PTPRR: variants seen among roughly 807,000 people sequenced by gnomAD.
PTPRR encodes the protein receptor-type tyrosine-protein phosphatase R.
In PTPRR, 38 loss-of-function variants were observed where a neutral mutation model predicts 77.2. The ratio of observed to expected loss-of-function variants is 0.49; its 90% CI spans 0.38 to 0.65. The LOEUF (loss-of-function observed/expected upper bound fraction) is 0.65, where lower values mean the gene tolerates loss of function less well. Ranked by LOEUF, PTPRR falls within the 30% of genes least tolerant of loss-of-function variation. The pLI is 0.00. For missense variants in PTPRR, 744 were observed against 799.2 expected (o/e 0.93, Z 0.83); for synonymous variants, 299 against 283.1 (o/e 1.06, Z -0.57).
intron 10 of PTPRR, among the ~76,000 whole-genome samples, chr12:70,676,720 A>G (rs1483997447): frequency 2.0e-5 from 3 of 151,970 alleles, no homozygotes; most frequent in Non-Finnish European, 4.4e-5. Flanking sequence ...AATATTCAAA[A>G]TCCTTTCTTA....
At chr12:70,759,630 G>A (rs569095106) in intron 4 of PTPRR, among the ~76,000 whole-genome samples, 1 of 133,388 alleles carries the variant, frequency 7.5e-6, no homozygotes, top group South Asian at 2.5e-4. Context: ...GCAGTGAGCC[G>A]AGATGCACCA....
chr12:70,797,008 ACT>A (rs1158981168), intron 2 of PTPRR, among the ~76,000 whole-genome samples: 2 of 152,218 alleles, frequency 1.3e-5, no homozygotes, highest in South Asian at 2.1e-4. Context: ...ACAGAGCGAG[ACT>A]CTGTCTAAAA....
intron 4 of PTPRR, among the ~76,000 whole-genome samples, chr12:70,756,671 CTAT>C (rs1219074716): frequency 1.3e-5 from 2 of 152,072 alleles, no homozygotes; most frequent in African/African-American, 2.4e-5. Context: ...GGGTTTTGTT[CTAT>C]TATTTAAAAT....
chr12:70,865,691 T>C (rs939601056), intron 2 of PTPRR, among the ~76,000 whole-genome samples: 2 of 152,180 alleles, frequency 1.3e-5, no homozygotes, highest in Non-Finnish European at 2.9e-5. Flanking sequence ...CCTGACAAAA[T>C]TATCTGAACA....
intron 6 of PTPRR, among the ~76,000 whole-genome samples, chr12:70,727,961 C>T (rs1889502717): frequency 6.6e-6 from 1 of 152,130 alleles, no homozygotes; most frequent in African/African-American, 2.4e-5. Context: ...ATAATCAAAA[C>T]AAGTGCATGC....
chr12:70,820,962 T>C (rs1367075227), intron 2 of PTPRR, among the ~76,000 whole-genome samples: 1 of 152,220 alleles, frequency 6.6e-6, no homozygotes, highest in Non-Finnish European at 1.5e-5. Context: ...CTCTCATCTT[T>C]CACAATTGTC....
intron 2 of PTPRR, among the ~76,000 whole-genome samples, chr12:70,793,081 C>T (rs10879197): frequency 0.063 from 9,582 of 152,176 alleles, 370 homozygotes; most frequent in Non-Finnish European, 0.085. Context: ...AATGTGAAGC[C>T]TGCAGTACAG....
At position 70,745,993 on chromosome 12, in the gene PTPRR, G is replaced by A. The variant is rs779437998; in HGVS notation, c.832C>T (p.Pro278Ser). The A allele has an allele frequency of 2.9e-5, 47 of 1,613,936 alleles. No homozygotes were observed. The Admixed American group carries it at 4.7e-4, about 16-fold the overall frequency. ...ACTGTCTTTGCCTCGGACAGTGCTG[G>A]CTGTAATGTGATGGGCGATAGGTGG... is the stretch of plus-strand genomic sequence containing the variant. ...EIHLSPITLQ[P>S]ALSEAKTVHS... is the part of the protein sequence containing the mutation. Residue 278 changes from proline to serine, a missense_variant, in exon 6 of 14, where the codon CCA becomes TCA. By Grantham distance (74) the Pro-to-Ser change is moderately conservative. Coordinates refer to ENST00000283228, the MANE Select transcript of PTPRR (RefSeq NM_002849.4).
chr12:70,870,111 T>G (rs1416570293), intron 2 of PTPRR, among the ~76,000 whole-genome samples: 1 of 152,114 alleles, frequency 6.6e-6, no homozygotes, highest in Admixed American at 6.5e-5. Flanking sequence ...TAGAAGGCCC[T>G]CAGCCTTCTC....
chr12:70,656,361 C>T (rs1050598127), intron 13 of PTPRR, among the ~76,000 whole-genome samples: 4 of 152,058 alleles, frequency 2.6e-5, no homozygotes, highest in African/African-American at 9.7e-5. Context: ...AAGACCCCAT[C>T]TCTACAAAAA....
At chr12:70,880,022 A>C (rs568886161) in intron 2 of PTPRR, among the ~76,000 whole-genome samples, 3 of 152,296 alleles carry the variant, frequency 2.0e-5, no homozygotes, top group Non-Finnish European at 4.4e-5. Context: ...TAAAATAATC[A>C]TGATTCTCTG....
chr12:70,725,129 A>G (rs974798760), intron 6 of PTPRR, among the ~76,000 whole-genome samples: 12 of 152,260 alleles, frequency 7.9e-5, no homozygotes, highest in Non-Finnish European at 1.6e-4. Context: ...TTATAAAATA[A>G]GCATGAAGAG....
rs755356429 is a variant in PTPRR, at chr12:70,910,299, T to C, written c.58+10034A>G. ...GATTCGAACTCAGGTAGTCAAATCC[T>C]AGAGCCCAAATGTTTTTTTGTTTGT... On this transcript the variant is annotated intron_variant, in intron 1 of 13. Transcript: ENST00000283228. Among the ~76,000 whole-genome samples, 437 of 152,314 alleles carry C rather than the reference T, an allele frequency of 2.9e-3. 1 individual carries two copies. The highest frequency in any genetic ancestry group is 4.6e-3 in the Non-Finnish European group (310 of 68,028).
At chr12:70,904,328 GGATA>G (rs372515338) in intron 1 of PTPRR, among the ~76,000 whole-genome samples, 49 of 151,848 alleles carry the variant, frequency 3.2e-4, no homozygotes, top group African/African-American at 8.0e-4. Context: ...TTCAATGGGT[GGATA>G]GATAAACTAT....
intron 13 of PTPRR, among the ~76,000 whole-genome samples, chr12:70,652,636 G>C (rs554014688): frequency 6.6e-6 from 1 of 152,312 alleles, no homozygotes; most frequent in East Asian, 1.9e-4. Context: ...AGAGAAGTTG[G>C]ATGTGTTTTC....
chr12:70,732,226 A>G (rs1027911971), intron 6 of PTPRR, among the ~76,000 whole-genome samples: 2 of 152,226 alleles, frequency 1.3e-5, no homozygotes, highest in African/African-American at 4.8e-5. Context: ...GTGGGTTTAA[A>G]ATTCCAACTT....
intron 8 of PTPRR, among the ~76,000 whole-genome samples, chr12:70,695,471 G>T (rs1039851180): frequency 2.6e-5 from 4 of 152,138 alleles, no homozygotes; most frequent in Non-Finnish European, 4.4e-5. Context: ...ATTTTCAACA[G>T]AAAATCCATC....
chr12:70,703,493 G>T (rs745948945), intron 6 of PTPRR, among the ~76,000 whole-genome samples: 2 of 152,158 alleles, frequency 1.3e-5, no homozygotes, highest in Non-Finnish European at 2.9e-5. Flanking sequence ...GAGGCAAATA[G>T]TTGAAGAAGA....
intron 13 of PTPRR, among the ~76,000 whole-genome samples, chr12:70,655,407 G>T (rs977968902): frequency 6.6e-6 from 1 of 152,182 alleles, no homozygotes; most frequent in Non-Finnish European, 1.5e-5. Flanking sequence ...ATACTCAAAA[G>T]AATTGAAAAC....
Sources: allele counts gnomAD v4.1 joint callset (sites outside exome capture counted in the v4.1 genomes callset), GRCh38; gene constraint gnomAD v4.1.1; transcripts MANE v1.5; gene names NCBI Gene and HGNC (gene_info 2026-07-23, HGNC 2026-07-21).